The following CDYL2 variants were observed in gnomAD, a reference collection of about 807,000 sequenced individuals.
CDYL2 encodes the protein chromodomain Y-like protein 2.
CDYL2 carries 23 observed loss-of-function variants against 49.4 expected under a neutral mutation model. The ratio of observed to expected loss-of-function variants is 0.47; its 90% CI spans 0.34 to 0.66. The LOEUF is 0.66. CDYL2 is among the 30% of genes least tolerant of loss of function. CDYL2 has a pLI of 0.01. For missense variants in CDYL2, 678 were observed against 656.4 expected (o/e 1.03, Z -0.36); for synonymous variants, 360 against 268.8 (o/e 1.34, Z -3.32).
chr16:80,650,028 T>C (rs1487231315), intron 2 of CDYL2, among the ~76,000 whole-genome samples: 3 of 152,130 alleles, frequency 2.0e-5, no homozygotes, highest in African/African-American at 4.8e-5. Flanking sequence ...CAAGAAAACA[T>C]TGGGGAAAAT....
At chr16:80,669,414 G>A (rs1451832095) in intron 2 of CDYL2, among the ~76,000 whole-genome samples, 2 of 152,160 alleles carry the variant, frequency 1.3e-5, no homozygotes, top group African/African-American at 2.4e-5. Flanking sequence ...AACCAAGTCG[G>A]AAGTGGCCCT....
chr16:80,605,659 CAATAGT>C (rs1906299205), intron 6 of CDYL2, among the ~76,000 whole-genome samples: 1 of 151,360 alleles, frequency 6.6e-6, no homozygotes, highest in Non-Finnish European at 1.5e-5. Context: ...ATCACAGTAA[CAATAGT>C]AATAATCATA....
chr16:80,657,789 C>A (rs1327242337), intron 2 of CDYL2, among the ~76,000 whole-genome samples: 1 of 152,116 alleles, frequency 6.6e-6, no homozygotes, highest in African/African-American at 2.4e-5. Context: ...ACCCAGCAAT[C>A]CCACTTCTAG....
chr16:80,792,754 A>G (rs1400262131), intron 1 of CDYL2, among the ~76,000 whole-genome samples: 1 of 152,106 alleles, frequency 6.6e-6, no homozygotes, highest in Non-Finnish European at 1.5e-5. Context: ...GCCCATCCCC[A>G]CAGCTGCTAG....
intron 2 of CDYL2, among the ~76,000 whole-genome samples, chr16:80,647,508 T>C (rs1215203161): frequency 2.6e-5 from 4 of 152,146 alleles, no homozygotes; most frequent in Non-Finnish European, 4.4e-5. Context: ...TTTAAATATA[T>C]ATATGCACCC....
At position 80,685,135 on chromosome 16, in the gene CDYL2, A is replaced by T; in HGVS notation, c.25-6T>A. The T allele has an allele frequency of 6.3e-7, 1 of 1,597,536 alleles. No homozygotes were observed. The highest frequency in any genetic ancestry group is 8.6e-7 in the Non-Finnish European group (1 of 1,169,418). On this transcript the variant is annotated splice_polypyrimidine_tract_variant and splice_region_variant and intron_variant, in intron 1 of 6. Transcript: ENST00000570137. ...TTGTCTACAATCCTTTCAACCTGCG[A>T]TACAAGATGAGAGGGTCAGAAAACA... is the stretch of plus-strand genomic sequence containing the variant.
At position 80,655,731 on chromosome 16, in the gene CDYL2, T is replaced by C. The variant is rs137868076; in HGVS notation, c.617-22495A>G. Among the ~76,000 whole-genome samples the C allele has an allele frequency of 2.1e-3, 313 of 152,244 alleles. 1 individual carries two copies. The highest frequency in any genetic ancestry group is 3.7e-3 in the Non-Finnish European group (253 of 68,014). Reference sequence around the variant, plus strand: ...AGCCAAGCAGGGATCAGAGCCTCCTTGAGTACTGGATTCAAAATGTGTGCA... The same window carrying C: ...AGCCAAGCAGGGATCAGAGCCTCCTCGAGTACTGGATTCAAAATGTGTGCA... On this transcript the variant is annotated intron_variant, in intron 2 of 6. Transcript: ENST00000570137.
At position 80,599,706 on chromosome 16, in the gene CDYL2, C is replaced by T. The variant is rs896983270; in HGVS notation, c.*4682G>A. On this transcript the variant is annotated 3_prime_UTR_variant, in exon 7 of 7. Coordinates refer to ENST00000570137, the MANE Select transcript of CDYL2 (RefSeq NM_152342.4). The stretch of plus-strand genomic sequence containing the variant: ...CCCAGAATGGACGTTTCCAAGTCAT[C>T]GACAAGGAATCTGGGGCCAACTGCC... The T allele has an allele frequency of 7.9e-5, 12 of 152,160 alleles. No homozygotes were observed. The highest frequency in any genetic ancestry group is 1.3e-4 in the Non-Finnish European group (9 of 68,042). The allele number at this position is 152,160 out of a possible 1,614,324, so 9.4% of individuals were successfully genotyped here. A position where few individuals can be genotyped will look rare whatever the true frequency, so the allele number is the denominator to read the frequency against.
At chr16:80,673,246 G>C (rs1279025266) in intron 2 of CDYL2, among the ~76,000 whole-genome samples, 1 of 152,126 alleles carries the variant, frequency 6.6e-6, no homozygotes, top group Non-Finnish European at 1.5e-5. Flanking sequence ...TTTGGACCCG[G>C]GAGGCGGAGG....
chr16:80,661,838 C>T (rs1255720454), intron 2 of CDYL2, among the ~76,000 whole-genome samples: 2 of 152,170 alleles, frequency 1.3e-5, no homozygotes, highest in Non-Finnish European at 2.9e-5. Context: ...AGACTGTGGC[C>T]TCTTGAGGGA....
At chr16:80,663,525 C>G (rs1909134943) in intron 2 of CDYL2, among the ~76,000 whole-genome samples, 1 of 152,144 alleles carries the variant, frequency 6.6e-6, no homozygotes, top group Non-Finnish European at 1.5e-5. Context: ...AGTTTAGGTT[C>G]TCAGATTATC....
chr16:80,765,185 T>C (rs1906678101), intron 1 of CDYL2, among the ~76,000 whole-genome samples: 1 of 145,616 alleles, frequency 6.9e-6, no homozygotes, highest in Admixed American at 7.0e-5. Context: ...TATATAATAA[T>C]ATACTGGTTA....
chr16:80,770,731 C>T lies in CDYL2; in HGVS notation c.24+33419G>A, dbSNP rs375551508. ...TTTTAATTTTTTAAAATAAGACATA[C>T]AATACTTTTAAATCTACAGAAAAAT... On this transcript the variant is annotated intron_variant, in intron 1 of 6. Coordinates refer to ENST00000570137, the MANE Select transcript of CDYL2 (RefSeq NM_152342.4). Among the ~76,000 whole-genome samples the T allele has an allele frequency of 4.4e-4, 67 of 152,188 alleles. No homozygotes were observed. The Middle Eastern group carries it at 0.01, about 23-fold the overall frequency.
chr16:80,730,129 C>T (rs1056850930), intron 1 of CDYL2, among the ~76,000 whole-genome samples: 3 of 151,836 alleles, frequency 2.0e-5, no homozygotes, highest in Non-Finnish European at 4.4e-5. Context: ...AATAGAGACA[C>T]AAAAAACCCT....
At chr16:80,625,918 C>A (rs1199121693) in intron 3 of CDYL2, among the ~76,000 whole-genome samples, 1 of 151,868 alleles carries the variant, frequency 6.6e-6, no homozygotes, top group African/African-American at 2.4e-5. Context: ...CATTTTTAGA[C>A]CCTCACTAAA....
intron 1 of CDYL2, among the ~76,000 whole-genome samples, chr16:80,801,869 T>C (rs934335811): frequency 6.6e-6 from 1 of 152,240 alleles, no homozygotes; most frequent in African/African-American, 2.4e-5. Context: ...TTTCTCAGTA[T>C]ATGTTATGTA....
In CDYL2 at chr16:80,684,701, C is replaced by G. The variant is rs1215676654; in HGVS notation, c.453G>C (p.Lys151Asn). 1 of 1,614,162 alleles carries G rather than the reference C, an allele frequency of 6.2e-7. No homozygotes were observed. Among genetic ancestry groups the G allele is most frequent in the Non-Finnish European group, 8.5e-7 (1 of 1,180,028 alleles). ...PSGLQIMPLKKSQNGMENGDA... is the reference protein window; with the variant it reads ...PSGLQIMPLKNSQNGMENGDA... Reference sequence around the variant, plus strand: ...CCCCATTTTCCATCCCGTTCTGAGACTTTTTCAGGGGCATTATTTGCAAAC... The same window carrying G: ...CCCCATTTTCCATCCCGTTCTGAGAGTTTTTCAGGGGCATTATTTGCAAAC... Residue 151 changes from lysine (K) to asparagine (N), a missense_variant, in exon 2 of 7, where the codon AAG (lysine) becomes AAC (asparagine). Transcript: ENST00000570137.
At chr16:80,788,960 G>T (rs766777982) in intron 1 of CDYL2, among the ~76,000 whole-genome samples, 1 of 152,062 alleles carries the variant, frequency 6.6e-6, no homozygotes, top group Non-Finnish European at 1.5e-5. Flanking sequence ...CTGGGCAAAG[G>T]ACATGACCAG....
chr16:80,803,515 G>T (rs1440297389), intron 1 of CDYL2, among the ~76,000 whole-genome samples: 1 of 152,004 alleles, frequency 6.6e-6, no homozygotes, highest in South Asian at 2.1e-4. Flanking sequence ...AGCTGGTGCG[G>T]GGGCAGCAGG....
Sources: allele counts gnomAD v4.1 joint callset (sites outside exome capture counted in the v4.1 genomes callset), GRCh38; gene constraint gnomAD v4.1.1; transcripts MANE v1.5; gene names NCBI Gene and HGNC (gene_info 2026-07-23, HGNC 2026-07-21).